The following OR2AT4 variants were observed in gnomAD, a reference collection of about 807,000 sequenced individuals.
The protein encoded by OR2AT4 is olfactory receptor family 2 subfamily AT member 4.
In OR2AT4, 6 loss-of-function variants were observed where a neutral mutation model predicts 10.3. The observed-to-expected ratio is 0.58, with a 90% CI of 0.32 to 1.15. The LOEUF (loss-of-function observed/expected upper bound fraction) is 1.15, where lower values mean the gene tolerates loss of function less well. OR2AT4 is among the 50% of genes most tolerant of loss of function. The pLI is 0.05. For synonymous variants in OR2AT4, 145 were observed against 159.1 expected (o/e 0.91, Z 0.67); for missense variants, 354 against 393.8 (o/e 0.90, Z 0.85).
chr11:75,093,810 C>CTTTTTTTTTTTTTTT (rs556380402), intron 1 of OR2AT4, among the ~76,000 whole-genome samples: 2 of 61,802 alleles, frequency 3.2e-5, no homozygotes, highest in African/African-American at 6.9e-5. Context: ...TTTTCTTTTT[C>CTTTTTTTTTTTTTTT]TTTTTTTTTT....
exon 2 of OR2AT4, chr11:75,089,082 A>C: frequency 6.2e-7 from 1 of 1,613,956 alleles, no homozygotes; most frequent in Non-Finnish European, 8.5e-7. Flanking sequence ...GAGGAAGGAC[A>C]CCACCATGGC....
intron 1 of OR2AT4, among the ~76,000 whole-genome samples, chr11:75,094,981 G>T (rs2140281085): frequency 6.6e-6 from 1 of 152,280 alleles, no homozygotes; most frequent in Non-Finnish European, 1.5e-5. Flanking sequence ...CGTTGTTACA[G>T]CTCAGAGAAG....
chr11:75,082,609 A>G (rs955572653), exon 2 of OR2AT4: 35 of 152,318 alleles, frequency 2.3e-4, no homozygotes, highest in African/African-American at 8.4e-4. Context: ...ATCCTAGAAG[A>G]AAACCTAGGA....
At chr11:75,086,807 A>G (rs1949293270) in exon 2 of OR2AT4, 2 of 152,198 alleles carry the variant, frequency 1.3e-5, no homozygotes, top group Non-Finnish European at 1.5e-5. Flanking sequence ...CCATTATAGT[A>G]TCATACAGAA....
chr11:75,089,722 A>G, exon 2 of OR2AT4: 1 of 1,600,340 alleles, frequency 6.2e-7, no homozygotes, highest in Non-Finnish European at 8.5e-7. Context: ...ATTGTGAGAC[A>G]CAGCTGGATT....
chr11:75,087,012 T>G (rs967357474), exon 2 of OR2AT4: 1 of 152,186 alleles, frequency 6.6e-6, no homozygotes, highest in African/African-American at 2.4e-5. Context: ...TTAAATTTAC[T>G]ATTGACTCTT....
At chr11:75,085,761 T>G (rs909178396) in exon 2 of OR2AT4, 1 of 152,132 alleles carries the variant, frequency 6.6e-6, no homozygotes, top group Admixed American at 6.6e-5. Context: ...GACTCGACAT[T>G]GTTAAAATGA....
exon 2 of OR2AT4, chr11:75,089,740 G>A (rs1949313203): frequency 6.3e-7 from 1 of 1,587,418 alleles, no homozygotes; most frequent in South Asian, 1.2e-5. Context: ...ATTTCTCAGA[G>A]ATGGGCAGCT....
chr11:75,094,385 T>C (rs1046809185), intron 1 of OR2AT4, among the ~76,000 whole-genome samples: 1 of 152,226 alleles, frequency 6.6e-6, no homozygotes, highest in Non-Finnish European at 1.5e-5. Context: ...GAGTTTGTTC[T>C]TTAGTTTCCT....
At chr11:75,090,839 G>GATTTCCTCACACACACACTGGT (rs1435894483) in intron 1 of OR2AT4, among the ~76,000 whole-genome samples, 3 of 147,816 alleles carry the variant, frequency 2.0e-5, no homozygotes, top group Non-Finnish European at 4.5e-5. Context: ...GAGGAAGAGG[G>GATTTCCTCACACACACACTGGT]ATTTCCTCAC....
exon 2 of OR2AT4, chr11:75,084,064 C>A (rs1168311554): frequency 6.6e-6 from 1 of 152,070 alleles, no homozygotes; most frequent in Non-Finnish European, 1.5e-5. Flanking sequence ...ATGGATGCAG[C>A]TGGAGCCCAT....
intron 1 of OR2AT4, among the ~76,000 whole-genome samples, chr11:75,094,442 A>G (rs540297664): frequency 1.3e-5 from 2 of 152,294 alleles, no homozygotes; most frequent in South Asian, 4.1e-4. Flanking sequence ...AGGCAGGTAT[A>G]ATGTCTTTCT....
chr11:75,089,729 G>C lies in OR2AT4; in HGVS notation c.-16C>G, dbSNP rs759914740. 6.3e-7 allele frequency: 1 copy of C among 1,595,850 alleles called. No individual in the cohort carries two copies. Among genetic ancestry groups the C allele is most frequent in the East Asian group, 2.2e-5 (1 of 44,744 alleles). On this transcript the variant is annotated 5_prime_UTR_variant, in exon 2 of 2. It adds an upstream start codon to the 5' untranslated region. Transcript: ENST00000641504. ...TGGCATCCATTGTGAGACACAGCTG[G>C]ATTTCTCAGAGATGGGCAGCTGGAA...
chr11:75,091,572 G>A (rs972318595), intron 1 of OR2AT4, among the ~76,000 whole-genome samples: 3 of 152,118 alleles, frequency 2.0e-5, no homozygotes, highest in African/African-American at 7.2e-5. Context: ...TAGAAGACAG[G>A]ATTAGAGACC....
At chr11:75,083,528 C>G (rs1386367603) in exon 2 of OR2AT4, 2 of 152,142 alleles carry the variant, frequency 1.3e-5, no homozygotes, top group African/African-American at 4.8e-5. Context: ...TTTGACCCAG[C>G]AATCTCATTA....
rs762495764 is a variant in OR2AT4, at chr11:75,089,505, T to C, written c.209A>G (p.Asn70Ser). The change falls in exon 2 of 2, where the codon AAT (asparagine) becomes AGT (serine). Residue 70 changes from asparagine (N) to serine (S), a missense_variant. Coordinates refer to ENST00000641504, the Ensembl canonical transcript of OR2AT4. ...GAAAAGGATGTCCAAGGTGGAGAGA[T>C]TGATCAGAAAGAAGTACATGGGCTT... 2.3e-5 allele frequency: 37 copies of C among 1,614,060 alleles called. No individual in the cohort carries two copies. The Admixed American group carries it at 3.8e-4, about 17-fold the overall frequency.
chr11:75,092,008 T>G (rs1396821293), intron 1 of OR2AT4, among the ~76,000 whole-genome samples: 2 of 152,162 alleles, frequency 1.3e-5, no homozygotes, highest in East Asian at 1.9e-4. Flanking sequence ...TCAAAGGCCA[T>G]GTATCCAGTA....
intron 1 of OR2AT4, among the ~76,000 whole-genome samples, chr11:75,096,595 T>G (rs985622339): frequency 6.6e-6 from 1 of 152,156 alleles, no homozygotes; most frequent in African/African-American, 2.4e-5. Context: ...TGTGAGGAAT[T>G]CTCTTCCAAG....
exon 2 of OR2AT4, chr11:75,088,853 T>C (rs1591784916): frequency 6.2e-7 from 1 of 1,613,244 alleles, no homozygotes; most frequent in South Asian, 1.1e-5. Context: ...TGAGAATTGG[T>C]GTGAGAATGG....
Sources: allele counts gnomAD v4.1 joint callset (sites outside exome capture counted in the v4.1 genomes callset), GRCh38; gene constraint gnomAD v4.1.1; transcripts MANE v1.5; gene names NCBI Gene and HGNC (gene_info 2026-07-23, HGNC 2026-07-21).